The following CHRM3 variants were observed in gnomAD, a reference collection of about 807,000 sequenced individuals.
CHRM3 encodes cholinergic receptor muscarinic 3, also known as muscarinic acetylcholine receptor M3.
In CHRM3, 11 loss-of-function variants were observed where a neutral mutation model predicts 41.8. The observed-to-expected ratio is 0.26, with a 90% CI of 0.17 to 0.44. The LOEUF (loss-of-function observed/expected upper bound fraction) is 0.44, where lower values mean the gene tolerates loss of function less well. CHRM3 is among the 20% of genes least tolerant of loss of function. The probability of loss-of-function intolerance (pLI) is 1.00; values close to 1 mark genes in which losing one functional copy is unlikely to be tolerated. For synonymous variants in CHRM3, 297 were observed against 301.4 expected, an observed-to-expected ratio of 0.99 and a Z score of 0.15; for missense variants, 571 against 745.4, an observed-to-expected ratio of 0.77 and a Z score of 2.72.
At chr1:239,692,053 C>T (rs1432493158) in intron 5 of CHRM3, among the ~76,000 whole-genome samples, 1 of 152,216 alleles carries the variant, frequency 6.6e-6, no homozygotes, top group Non-Finnish European at 1.5e-5. Context: ...GAAATCTACT[C>T]CGGTTTCCTT....
At chr1:239,530,115 G>A (rs1037306490) in intron 2 of CHRM3, among the ~76,000 whole-genome samples, 1 of 152,092 alleles carries the variant, frequency 6.6e-6, no homozygotes, top group African/African-American at 2.4e-5. Context: ...GTGTTAGCCA[G>A]GATGGTCTTG....
intron 5 of CHRM3, among the ~76,000 whole-genome samples, chr1:239,765,462 C>A (rs1667127065): frequency 6.6e-6 from 1 of 152,182 alleles, no homozygotes; most frequent in Non-Finnish European, 1.5e-5. Flanking sequence ...TAGCAACAGA[C>A]AAGAAACCTA....
chr1:239,908,644 T>C lies in CHRM3; in HGVS notation c.1193T>C (p.Met398Thr), dbSNP rs1288556516. Residue 398 changes from methionine to threonine, a missense_variant, in exon 7 of 7, where the codon ATG (methionine) becomes ACG (threonine). Physicochemically the swap from Met to Thr is moderately conservative, Grantham distance 81 (BLOSUM62 -1). This residue lies in a region of CHRM3 where 239 missense variants were observed against 239.6 expected (regional missense o/e 1.00). Transcript: ENST00000676153. The surrounding 1 kb of genome is among the most constrained non-coding windows in gnomAD (Gnocchi z 7.2). Reference protein sequence around the residue: ...NLQVPEEELGMVDLERKADKL... With the variant: ...NLQVPEEELGTVDLERKADKL... ...CAGGTGCCTGAGGAGGAGCTGGGGA[T>C]GGTGGACTTGGAGAGGAAAGCCGAC... 8 of 1,612,062 alleles carry C rather than the reference T, an allele frequency of 5.0e-6. No individual in the cohort carries two copies. The East Asian group carries it at 1.8e-4, about 36-fold the overall frequency.
chr1:239,908,467 A>C lies in CHRM3; in HGVS notation c.1016A>C (p.Asn339Thr), dbSNP rs202235271. 4 of 1,612,300 alleles carry C rather than the reference A, an allele frequency of 2.5e-6. No homozygotes were observed. In the African/African-American group the frequency reaches 5.3e-5, roughly 22 times the overall value. The change falls in exon 7 of 7, where the codon AAC becomes ACC. Residue 339 changes from asparagine to threonine, a missense_variant. Coordinates refer to ENST00000676153, the MANE Select transcript of CHRM3 (RefSeq NM_001375978.1). This position sits in a 1 kb window ranked among gnomAD's most constrained non-coding sequence, Gnocchi z 7.2. ...QDHSSSDSWNNNDAAASLENS... is the reference protein window; with the variant it reads ...QDHSSSDSWNTNDAAASLENS... ...CACAGCAGCAGTGACAGTTGGAACA[A>C]CAATGATGCTGCTGCCTCCCTGGAG...
At chr1:239,527,082 G>C (rs746756599) in intron 2 of CHRM3, among the ~76,000 whole-genome samples, 1 of 152,076 alleles carries the variant, frequency 6.6e-6, no homozygotes, top group African/African-American at 2.4e-5. Flanking sequence ...CCATGATCAC[G>C]CCACTGGATT....
intron 2 of CHRM3, among the ~76,000 whole-genome samples, chr1:239,500,392 C>T (rs1321025178): frequency 6.7e-6 from 1 of 150,206 alleles, no homozygotes; most frequent in African/African-American, 2.5e-5. Context: ...CGCATGTTCT[C>T]ACTCATAGGT....
At chr1:239,640,850 G>A (rs1671055263) in intron 4 of CHRM3, among the ~76,000 whole-genome samples, 1 of 147,382 alleles carries the variant, frequency 6.8e-6, no homozygotes, top group African/African-American at 2.5e-5. Context: ...TCTTTTAATT[G>A]TGATGTTAGG....
intron 6 of CHRM3, among the ~76,000 whole-genome samples, chr1:239,834,631 A>AGACCTGCTCATCACCTCCCCT (rs1261642912): frequency 6.6e-6 from 1 of 152,166 alleles, no homozygotes; most frequent in Non-Finnish European, 1.5e-5. Context: ...CAGTCTTCAA[A>AGACCTGCTCATCACCTCCCCT]GACCTGCTCA....
rs572919639 is a variant in CHRM3 at position 239,530,798 on chromosome 1, C to CA, written c.-421-14834dup. Reference sequence around the variant, plus strand: ...AATAGCAATTATCCGTGAAAAACAACAAAAAAAAAGAAAAATTAATAGACC... The same window carrying CA: ...AATAGCAATTATCCGTGAAAAACAACAAAAAAAAAAGAAAAATTAATAGACC... On this transcript the variant is annotated intron_variant, in intron 2 of 6. Coordinates refer to ENST00000676153, the MANE Select transcript of CHRM3 (RefSeq NM_001375978.1). Among the ~76,000 whole-genome samples the CA allele has an allele frequency of 1.4e-3, 219 of 151,134 alleles. 1 individual carries two copies. Among genetic ancestry groups the CA allele is most frequent in the East Asian group, 4.9e-3 (25 of 5,152 alleles).
chr1:239,742,102 TTC>T (rs1664907377), intron 5 of CHRM3, among the ~76,000 whole-genome samples: 1 of 151,330 alleles, frequency 6.6e-6, no homozygotes, highest in Non-Finnish European at 1.5e-5. Context: ...GTTTTTTTTT[TTC>T]CTTCTCTGTT....
intron 3 of CHRM3, among the ~76,000 whole-genome samples, chr1:239,592,723 A>G (rs1163753747): frequency 6.6e-6 from 1 of 152,136 alleles, no homozygotes; most frequent in Non-Finnish European, 1.5e-5. Flanking sequence ...TCATTTATCC[A>G]TTCATCAGTT....
intron 1 of CHRM3, among the ~76,000 whole-genome samples, chr1:239,397,968 T>C (rs1159724114): frequency 6.6e-6 from 1 of 151,834 alleles, no homozygotes; most frequent in African/African-American, 2.4e-5. Flanking sequence ...CCTTTGAAAT[T>C]TTGGAGAGAT....
At chr1:239,683,572 G>GCCATATTAAGGAGA (rs1359844942) in intron 5 of CHRM3, among the ~76,000 whole-genome samples, 3 of 152,158 alleles carry the variant, frequency 2.0e-5, no homozygotes, top group African/African-American at 4.8e-5. Context: ...TTAAGGAGAT[G>GCCATATTAAGGAGA]TGCTAGGTCT....
intron 1 of CHRM3, among the ~76,000 whole-genome samples, chr1:239,464,556 A>C (rs1665589636): frequency 6.6e-6 from 1 of 152,222 alleles, no homozygotes; most frequent in Admixed American, 6.5e-5. Context: ...GCATACTTGA[A>C]GTTTGGTGTT....
chr1:239,873,460 T>C (rs2149331271), intron 6 of CHRM3, among the ~76,000 whole-genome samples: 1 of 152,216 alleles, frequency 6.6e-6, no homozygotes, highest in Non-Finnish European at 1.5e-5. Context: ...ATCATCTACA[T>C]TAGGTATTTC....
At chr1:239,670,772 C>CG (rs1050787916) in intron 4 of CHRM3, among the ~76,000 whole-genome samples, 1 of 22,100 alleles carries the variant, frequency 4.5e-5, no homozygotes, top group East Asian at 5.8e-3. Context: ...AGGTGATCTA[C>CG]CCCCCCCACC....
intron 4 of CHRM3, among the ~76,000 whole-genome samples, chr1:239,659,107 G>A (rs1259278435): frequency 2.0e-5 from 3 of 152,056 alleles, no homozygotes; most frequent in African/African-American, 4.8e-5. Flanking sequence ...CATTCTCAGT[G>A]GTTGTTTTTC....
chr1:239,663,081 G>A (rs184368023), intron 4 of CHRM3, among the ~76,000 whole-genome samples: 302 of 151,454 alleles, frequency 2.0e-3, no homozygotes, highest in African/African-American at 6.8e-3. Flanking sequence ...CTGTGTTTGG[G>A]AAGCAGAAGG....
intron 3 of CHRM3, among the ~76,000 whole-genome samples, chr1:239,615,576 G>T (rs1667543086): frequency 6.6e-6 from 1 of 152,140 alleles, no homozygotes; most frequent in African/African-American, 2.4e-5. Flanking sequence ...AACTTTGATA[G>T]ATATTTGTAG....
Sources: allele counts gnomAD v4.1 joint callset (sites outside exome capture counted in the v4.1 genomes callset), GRCh38; gene constraint gnomAD v4.1.1; regional missense constraint gnomAD v4.1.1; non-coding constraint Gnocchi (gnomAD v3.1); transcripts MANE v1.5; gene names NCBI Gene and HGNC (gene_info 2026-07-23, HGNC 2026-07-21).